STAG1: variants seen among roughly 807,000 people sequenced by gnomAD.
STAG1 encodes STAG1 cohesin complex component.
STAG1 carries 26 observed loss-of-function variants against 170.9 expected under a neutral mutation model. The observed-to-expected ratio is 0.15, with a 90% CI of 0.11 to 0.21. The LOEUF is 0.21. Among genes scored for constraint, STAG1 ranks in the 10% least tolerant of loss-of-function variants. The probability of loss-of-function intolerance (pLI) is 1.00; values close to 1 mark genes in which losing one functional copy is unlikely to be tolerated. For synonymous variants in STAG1, 514 were observed against 497.7 expected, an observed-to-expected ratio of 1.03 and a Z score of -0.44; for missense variants, 964 against 1,509.5, an observed-to-expected ratio of 0.64 and a Z score of 5.99.
intron 21 of STAG1, among the ~76,000 whole-genome samples, chr3:136,402,674 T>C (rs1476677468): frequency 1.3e-5 from 2 of 150,076 alleles, no homozygotes; most frequent in African/African-American, 4.9e-5. Context: ...CTACTAAAAA[T>C]ATAAAAAATT....
intron 22 of STAG1, among the ~76,000 whole-genome samples, chr3:136,386,235 A>G (rs2108320617): frequency 6.6e-6 from 1 of 152,248 alleles, no homozygotes. Flanking sequence ...GCTACTCAGG[A>G]GGCTGAGGCA....
At chr3:136,355,718 T>G (rs190318957) in intron 28 of STAG1, among the ~76,000 whole-genome samples, 1 of 152,038 alleles carries the variant, frequency 6.6e-6, no homozygotes, top group Non-Finnish European at 1.5e-5. Flanking sequence ...AGGATTAAAA[T>G]AATACAATGC....
chr3:136,685,314 T>C (rs1292948253), intron 1 of STAG1, among the ~76,000 whole-genome samples: 1 of 148,752 alleles, frequency 6.7e-6, no homozygotes, highest in African/African-American at 2.5e-5. Flanking sequence ...AGACTTCCTC[T>C]CCAAAAACAA....
At chr3:136,377,067 G>A (rs1937636689) in intron 23 of STAG1, among the ~76,000 whole-genome samples, 1 of 150,008 alleles carries the variant, frequency 6.7e-6, no homozygotes, top group South Asian at 2.1e-4. Flanking sequence ...GTGAGCCACT[G>A]CGCCCGGCCA....
intron 22 of STAG1, among the ~76,000 whole-genome samples, chr3:136,384,872 A>G (rs1202132267): frequency 2.0e-5 from 3 of 152,214 alleles, no homozygotes; most frequent in Non-Finnish European, 4.4e-5. Flanking sequence ...CTGAAAAAGA[A>G]TAATACAAGA....
intron 1 of STAG1, among the ~76,000 whole-genome samples, chr3:136,749,661 G>A (rs35159729): frequency 0.21 from 31,267 of 150,812 alleles, 3,441 homozygotes; most frequent in Middle Eastern, 0.24. Flanking sequence ...CAGGAGAATC[G>A]CTTGAACCCA....
chr3:136,364,363 G>A lies in STAG1; in HGVS notation c.2686-896C>T, dbSNP rs527293376. ...CTCCAAAAGTGCTGGGATTACAGGCGTGAGCCACTGTGCCTGGCCCCATTC... is the reference window on the plus strand; with the variant it reads ...CTCCAAAAGTGCTGGGATTACAGGCATGAGCCACTGTGCCTGGCCCCATTC... On this transcript the variant is annotated intron_variant, in intron 25 of 33. Transcript: ENST00000383202. Among the ~76,000 whole-genome samples, 25 of 152,290 alleles carry A rather than the reference G, an allele frequency of 1.6e-4. No individual in the cohort carries two copies. The East Asian group carries it at 4.2e-3, about 26-fold the overall frequency.
chr3:136,741,630 G>A (rs928125287), intron 1 of STAG1, among the ~76,000 whole-genome samples: 7 of 152,128 alleles, frequency 4.6e-5, no homozygotes, highest in Non-Finnish European at 1.0e-4. Context: ...CACAATGCCC[G>A]GCTAATTTTG....
intron 1 of STAG1, among the ~76,000 whole-genome samples, chr3:136,657,454 T>C (rs1941425480): frequency 6.6e-6 from 1 of 152,098 alleles, no homozygotes; most frequent in South Asian, 2.1e-4. Flanking sequence ...CCTCCCAAAG[T>C]GCTGGGATTA....
chr3:136,740,255 G>A (rs1934593295), intron 1 of STAG1, among the ~76,000 whole-genome samples: 1 of 152,054 alleles, frequency 6.6e-6, no homozygotes. Context: ...AAAAAAGAGA[G>A]AATTTTAACG....
In STAG1 at chr3:136,590,571, A is replaced by G. The variant is rs974819851; in HGVS notation, c.297+13738T>C. ...TGCAGCTTATATTTAGCACTTTCCTACTTTTATGCTTGAATAACCTAAAAG... is the reference window on the plus strand; with the variant it reads ...TGCAGCTTATATTTAGCACTTTCCTGCTTTTATGCTTGAATAACCTAAAAG... On this transcript the variant is annotated intron_variant, in intron 4 of 33. Transcript: ENST00000383202. 2.0e-5 allele frequency among the ~76,000 whole-genome samples: 3 copies of G among 152,152 alleles called. No individual in the cohort carries two copies. In the East Asian group the frequency reaches 5.8e-4, roughly 29 times the overall value.
Position 136,718,485 on chromosome 3 carries a change from A to AT in STAG1, c.-84+33709dup, listed in dbSNP as rs1217266853. 2.6e-5 allele frequency among the ~76,000 whole-genome samples: 4 copies of AT among 152,282 alleles called. No individual in the cohort carries two copies. In the East Asian group the frequency reaches 5.8e-4, roughly 22 times the overall value. Reference sequence around the variant, plus strand: ...CTAGGTTTTAATCATTAAACATTACATTTTTGCATGTGACATACTTGTATT... The same window carrying AT: ...CTAGGTTTTAATCATTAAACATTACATTTTTTGCATGTGACATACTTGTATT... On this transcript the variant is annotated intron_variant, in intron 1 of 33. Coordinates refer to ENST00000383202, the MANE Select transcript of STAG1 (RefSeq NM_005862.3).
rs1468734444 is a variant in STAG1, at chr3:136,720,760, G to C, written c.-84+31435C>G. ...GCCAAGATTGTGCCATTGTACTCCAGTCTGGGTGACAGAGCAAGATTCCAT... is the reference window on the plus strand; with the variant it reads ...GCCAAGATTGTGCCATTGTACTCCACTCTGGGTGACAGAGCAAGATTCCAT... On this transcript the variant is annotated intron_variant, in intron 1 of 33. Coordinates refer to ENST00000383202, the MANE Select transcript of STAG1 (RefSeq NM_005862.3). Among the ~76,000 whole-genome samples, 5 of 151,832 alleles carry C rather than the reference G, an allele frequency of 3.3e-5. No individual in the cohort carries two copies. In the East Asian group the frequency reaches 9.6e-4, roughly 29 times the overall value.
At chr3:136,560,042 A>G (rs1178133000) in intron 5 of STAG1, among the ~76,000 whole-genome samples, 1 of 152,226 alleles carries the variant, frequency 6.6e-6, no homozygotes, top group Non-Finnish European at 1.5e-5. Flanking sequence ...TACAGGTGCC[A>G]TGAAAAAATC....
At chr3:136,537,494 A>ATTTTTTTTTTTTT (rs780672876) in intron 6 of STAG1, among the ~76,000 whole-genome samples, 2 of 131,586 alleles carry the variant, frequency 1.5e-5, no homozygotes, top group Non-Finnish European at 3.3e-5. Flanking sequence ...TTTTTTGTTT[A>ATTTTTTTTTTTTT]TTTTTTTTTT....
At chr3:136,678,876 G>GA (rs1421173139) in intron 1 of STAG1, among the ~76,000 whole-genome samples, 1 of 112,836 alleles carries the variant, frequency 8.9e-6, no homozygotes, top group African/African-American at 3.3e-5. Flanking sequence ...AGAAAAAGAA[G>GA]AAAAAGAAAA....
At chr3:136,477,186 T>TGTA (rs2089774769) in intron 10 of STAG1, 103 bp downstream of exon 10, 10 of 1,295,898 alleles carry the variant, frequency 7.7e-6, no homozygotes, top group Non-Finnish European at 1.0e-5. Context: ...AATTTCCACA[T>TGTA]GATTACAACT....
chr3:136,574,454 A>G (rs1937382345), intron 4 of STAG1, among the ~76,000 whole-genome samples: 1 of 152,120 alleles, frequency 6.6e-6, no homozygotes, highest in South Asian at 2.1e-4. Flanking sequence ...ATGTGTGTAT[A>G]TACACATACA....
At chr3:136,611,396 G>C (rs994135240) in intron 3 of STAG1, among the ~76,000 whole-genome samples, 4 of 152,042 alleles carry the variant, frequency 2.6e-5, no homozygotes, top group African/African-American at 9.7e-5. Context: ...TGATCCGCCC[G>C]CCTCAGCCTC....
Sources: allele counts gnomAD v4.1 joint callset (sites outside exome capture counted in the v4.1 genomes callset), GRCh38; gene constraint gnomAD v4.1.1; transcripts MANE v1.5; gene names NCBI Gene and HGNC (gene_info 2026-07-23, HGNC 2026-07-21).